Variants in SPOCK1 observed in about 807,000 individuals in gnomAD.
The protein encoded by SPOCK1 is testican-1.
SPOCK1 carries 23 observed loss-of-function variants against 55.3 expected under a neutral mutation model. That is an observed-to-expected ratio of 0.42 (90% CI 0.30 to 0.59). The LOEUF is 0.59. Among genes scored for constraint, SPOCK1 ranks in the 20% least tolerant of loss-of-function variants. The probability of loss-of-function intolerance (pLI) is 0.22; values close to 1 mark genes in which losing one functional copy is unlikely to be tolerated. For missense variants in SPOCK1, 499 were observed against 552.5 expected (o/e 0.90, Z 0.97); for synonymous variants, 226 against 221.0 (o/e 1.02, Z -0.20).
At chr5:137,127,150 G>C (rs894367940) in intron 4 of SPOCK1, among the ~76,000 whole-genome samples, 1 of 152,210 alleles carries the variant, frequency 6.6e-6, no homozygotes, top group Non-Finnish European at 1.5e-5. Flanking sequence ...ACAATGGTGA[G>C]ATTAGTCAGT....
intron 6 of SPOCK1, among the ~76,000 whole-genome samples, chr5:136,995,736 T>C (rs2126966011): frequency 6.6e-6 from 1 of 152,340 alleles, no homozygotes; most frequent in Middle Eastern, 3.4e-3. Context: ...TCTGTATCTT[T>C]ACAAGACTGC....
chr5:137,062,449 G>A (rs1194513634), intron 6 of SPOCK1, among the ~76,000 whole-genome samples: 1 of 151,476 alleles, frequency 6.6e-6, no homozygotes, highest in Non-Finnish European at 1.5e-5. Flanking sequence ...GTGGAGTATG[G>A]GCTAGCTGAA....
At chr5:137,076,421 T>C (rs1752761397) in intron 5 of SPOCK1, among the ~76,000 whole-genome samples, 1 of 152,136 alleles carries the variant, frequency 6.6e-6, no homozygotes, top group Admixed American at 6.5e-5. Flanking sequence ...AAGGTAAAAA[T>C]AATCAGAGAT....
chr5:137,185,856 T>G (rs1165032477), intron 3 of SPOCK1, among the ~76,000 whole-genome samples: 1 of 152,046 alleles, frequency 6.6e-6, no homozygotes, highest in African/African-American at 2.4e-5. Flanking sequence ...AAAGTACATC[T>G]TGGTAATTGA....
intron 2 of SPOCK1, among the ~76,000 whole-genome samples, chr5:137,412,504 T>C (rs1752227593): frequency 6.6e-6 from 1 of 152,178 alleles, no homozygotes; most frequent in Non-Finnish European, 1.5e-5. Flanking sequence ...AGCTGTCCAC[T>C]TTGGTTTAGG....
At chr5:137,190,717 T>A (rs1755164915) in intron 3 of SPOCK1, among the ~76,000 whole-genome samples, 1 of 152,174 alleles carries the variant, frequency 6.6e-6, no homozygotes, top group African/African-American at 2.4e-5. Flanking sequence ...TCCCACCCTG[T>A]CTACCAGCCT....
intron 2 of SPOCK1, among the ~76,000 whole-genome samples, chr5:137,314,210 A>C (rs1757837419): frequency 1.3e-5 from 2 of 152,068 alleles, no homozygotes; most frequent in Non-Finnish European, 2.9e-5. Context: ...GCTCATTTTA[A>C]TTAACAAGGC....
At chr5:137,224,969 T>C (rs1225275011) in intron 3 of SPOCK1, among the ~76,000 whole-genome samples, 1 of 152,186 alleles carries the variant, frequency 6.6e-6, no homozygotes, top group African/African-American at 2.4e-5. Context: ...CACTTCATTT[T>C]CTTGGTTCCT....
chr5:137,364,945 C>T (rs566277741), intron 2 of SPOCK1: 1 of 152,380 alleles, frequency 6.6e-6, no homozygotes, highest in South Asian at 2.1e-4. Context: ...CTCCTTCATA[C>T]TCACTGCAGG....
chr5:137,289,841 A>G (rs1433413042), intron 2 of SPOCK1, among the ~76,000 whole-genome samples: 1 of 152,240 alleles, frequency 6.6e-6, no homozygotes, highest in Non-Finnish European at 1.5e-5. Context: ...AGATAATCCA[A>G]TTAAAAATAA....
chr5:137,166,414 C>G (rs542883756), intron 3 of SPOCK1, among the ~76,000 whole-genome samples: 1 of 150,874 alleles, frequency 6.6e-6, no homozygotes, highest in Non-Finnish European at 1.5e-5. Flanking sequence ...ACAAGAAATG[C>G]TAAAGGGAGT....
At chr5:137,358,613 C>G (rs1387363375) in intron 2 of SPOCK1, among the ~76,000 whole-genome samples, 1 of 151,956 alleles carries the variant, frequency 6.6e-6, no homozygotes, top group African/African-American at 2.4e-5. Flanking sequence ...TAATATCTCC[C>G]CAGACAGCCG....
intron 2 of SPOCK1, among the ~76,000 whole-genome samples, chr5:137,400,367 G>A (rs972885406): frequency 3.9e-5 from 6 of 152,138 alleles, no homozygotes; most frequent in Admixed American, 2.0e-4. Flanking sequence ...AGGAGTCTTC[G>A]CAGAGAAGGG....
rs147526854 is a variant in SPOCK1 at position 137,207,860 on chromosome 5, C to T, written c.232+59150G>A. 7.3e-3 allele frequency among the ~76,000 whole-genome samples: 1,117 copies of T among 152,282 alleles called. 14 individuals carry two copies. Among genetic ancestry groups the T allele is most frequent in the African/African-American group, 0.025 (1,040 of 41,540 alleles). ...ATTGGTTATTATTTTTAATTAGTAT[C>T]ATACCCTATGAGTCCACAATCCTAC... On this transcript the variant is annotated intron_variant, in intron 3 of 10. Coordinates refer to ENST00000394945, the MANE Select transcript of SPOCK1 (RefSeq NM_004598.4).
At chr5:137,085,835 ATTGT>A (rs900651498) in intron 5 of SPOCK1, among the ~76,000 whole-genome samples, 10 of 152,138 alleles carry the variant, frequency 6.6e-5, no homozygotes, top group Admixed American at 2.0e-4. Context: ...GTATCTCACC[ATTGT>A]TTGTTTACCT....
At chr5:137,078,817 G>A (rs1652192122) in intron 5 of SPOCK1, among the ~76,000 whole-genome samples, 1 of 152,106 alleles carries the variant, frequency 6.6e-6, no homozygotes, top group Non-Finnish European at 1.5e-5. Flanking sequence ...GCTTCTCCAT[G>A]CCGGACTGAT....
intron 5 of SPOCK1, among the ~76,000 whole-genome samples, chr5:137,074,033 T>TA: frequency 6.6e-6 from 1 of 152,110 alleles, no homozygotes; most frequent in South Asian, 2.1e-4. Flanking sequence ...TGTGAGGCAC[T>TA]GTATTAAAAA....
chr5:137,424,695 A>G (rs1203457859), intron 2 of SPOCK1, among the ~76,000 whole-genome samples: 2 of 152,232 alleles, frequency 1.3e-5, no homozygotes, highest in African/African-American at 4.8e-5. Flanking sequence ...ACACAAGAAC[A>G]TGGACAAATC....
chr5:137,496,869 A>C (rs1306676867), intron 2 of SPOCK1, among the ~76,000 whole-genome samples: 3 of 152,190 alleles, frequency 2.0e-5, no homozygotes, highest in Non-Finnish European at 4.4e-5. Flanking sequence ...ATCAATTAAA[A>C]ATTTTAATGA....
Sources: gnomAD v4.1 joint callset for allele counts (sites outside exome capture counted in the v4.1 genomes callset) on GRCh38, gnomAD v4.1.1 for gene constraint, MANE v1.5 for transcripts, NCBI Gene and HGNC (gene_info 2026-07-23, HGNC 2026-07-21) for gene names.